The following PCDHGB1 variants were observed in gnomAD, a reference collection of about 807,000 sequenced individuals.
PCDHGB1 encodes protocadherin gamma subfamily B, 1.
In PCDHGB1, 34 loss-of-function variants were observed where a neutral mutation model predicts 56.6. The observed-to-expected ratio is 0.60, with a 90% confidence interval of 0.46 to 0.80. The LOEUF is 0.80. Among genes scored for constraint, PCDHGB1 ranks in the 30% least tolerant of loss-of-function variants. The pLI is 0.00. For synonymous variants in PCDHGB1, 561 were observed against 505.9 expected (o/e 1.11, Z -1.46); for missense variants, 1,278 against 1,204.6 (o/e 1.06, Z -0.90).
intron 1 of PCDHGB1, chr5:141,374,823 A>G (rs1770865404): frequency 1.2e-6 from 2 of 1,613,952 alleles, no homozygotes; most frequent in African/African-American, 1.3e-5. Context: ...CAGCCTGTCT[A>G]CCGTGTAAGT....
intron 1 of PCDHGB1, chr5:141,400,486 CT>C: frequency 1.2e-6 from 2 of 1,614,034 alleles, no homozygotes; most frequent in African/African-American, 1.3e-5. Context: ...CTTATTTCCA[CT>C]TTGTAATTCC....
At chr5:141,417,667 C>A (rs545100460) in intron 1 of PCDHGB1, 5 of 918,744 alleles carry the variant, frequency 5.4e-6, no homozygotes, top group South Asian at 3.8e-5. Flanking sequence ...GGATTCCCTG[C>A]GCAGCCAACA....
In PCDHGB1 at chr5:141,491,770, G is replaced by A; in HGVS notation, c.2410-3037G>A. 6.4e-7 allele frequency: 1 copy of A among 1,560,888 alleles called. No individual in the cohort carries two copies. Among genetic ancestry groups the A allele is most frequent in the Non-Finnish European group, 8.7e-7 (1 of 1,154,942 alleles). On this transcript the variant is annotated intron_variant, in intron 1 of 3. Coordinates refer to ENST00000523390, the MANE Select transcript of PCDHGB1 (RefSeq NM_018922.3). This position sits in a 1 kb window ranked among gnomAD's most constrained non-coding sequence, Gnocchi z 6.9. ...TGGAGAAGCCGCCCGTCCTCATAAG[G>A]GATTGAACTTGCATCCACTCCTCTC...
At chr5:141,375,992 G>C in intron 1 of PCDHGB1, 5 of 1,613,446 alleles carry the variant, frequency 3.1e-6, no homozygotes, top group Non-Finnish European at 4.2e-6. Context: ...GGACAGAGAC[G>C]CGCTCAAGCA....
At chr5:141,415,653 G>T in intron 1 of PCDHGB1, 1 of 1,539,362 alleles carries the variant, frequency 6.5e-7, no homozygotes, top group Non-Finnish European at 8.8e-7. Context: ...AAAAAAAAAA[G>T]ATTGGTTTTT....
intron 1 of PCDHGB1, among the ~76,000 whole-genome samples, chr5:141,438,788 A>G (rs1024095720): frequency 3.3e-5 from 5 of 149,742 alleles, no homozygotes; most frequent in Non-Finnish European, 7.4e-5. Flanking sequence ...CAGCCTCTCC[A>G]GTAGCTGGGA....
At chr5:141,387,304 T>C (rs1186076797) in intron 1 of PCDHGB1, among the ~76,000 whole-genome samples, 3 of 152,208 alleles carry the variant, frequency 2.0e-5, no homozygotes, top group Non-Finnish European at 4.4e-5. Context: ...ATCCAGTATA[T>C]TTCTAATGAG....
intron 1 of PCDHGB1, among the ~76,000 whole-genome samples, chr5:141,353,307 A>G (rs2149774252): frequency 6.6e-6 from 1 of 152,340 alleles, no homozygotes; most frequent in African/African-American, 2.4e-5. Context: ...TTATAAATGT[A>G]TTTAGAGTTC....
Position 141,403,122 on chromosome 5 carries a change from G to A in PCDHGB1, c.2409+50453G>A, listed in dbSNP as rs550510039. 4.3e-5 allele frequency: 69 copies of A among 1,613,932 alleles called. No individual in the cohort carries two copies. Among genetic ancestry groups the A allele is most frequent in the East Asian group, 8.9e-5 (4 of 44,898 alleles). ...TCCAAGGACCTGGCTCTGGAGCCCC[G>A]GGAGCTGGCGGAGCGCCGAGTCCGC... On this transcript the variant is annotated intron_variant, in intron 1 of 3. Transcript: ENST00000523390.
intron 1 of PCDHGB1, among the ~76,000 whole-genome samples, chr5:141,457,926 GGGCTTTTATT>G (rs1398565105): frequency 6.6e-6 from 1 of 151,120 alleles, no homozygotes; most frequent in Non-Finnish European, 1.5e-5. Context: ...TCTCCCCAAG[GGGCTTTTATT>G]GGCTCTGCAT....
At position 141,511,199 on chromosome 5, in the gene PCDHGB1, G is replaced by C. The variant is rs1303066281; in HGVS notation, c.*26G>C. On this transcript the variant is annotated 3_prime_UTR_variant, in exon 4 of 4. Coordinates refer to ENST00000523390, the MANE Select transcript of PCDHGB1 (RefSeq NM_018922.3). The stretch of plus-strand genomic sequence containing the variant: ...CATGGAGGCCAGGCCAAGAGCCACA[G>C]GGCGGCCTCTCCCCAACCAGCCCAG... 6.2e-6 allele frequency: 10 copies of C among 1,612,868 alleles called. No individual in the cohort carries two copies. In the East Asian group the frequency reaches 2.2e-4, roughly 36 times the overall value.
At chr5:141,355,870 G>T (rs376992240) in intron 1 of PCDHGB1, 72 of 1,612,760 alleles carry the variant, frequency 4.5e-5, no homozygotes, top group Non-Finnish European at 6.1e-5. Flanking sequence ...GGTTCGCTCT[G>T]GCACTGCCAG....
rs569362520 is a variant in PCDHGB1 at position 141,415,063 on chromosome 5, G to T, written c.2409+62394G>T. ...CGCGGTGGGGGAGCACACGGGCGAG[G>T]TGCGCACGGCGCGAGCCCTGCTGGA... On this transcript the variant is annotated intron_variant, in intron 1 of 3. Coordinates refer to ENST00000523390, the MANE Select transcript of PCDHGB1 (RefSeq NM_018922.3). The T allele has an allele frequency of 3.1e-6, 5 of 1,613,432 alleles. No individual in the cohort carries two copies. The highest frequency in any genetic ancestry group is 3.3e-5 in the Admixed American group (2 of 60,008).
chr5:141,371,226 A>C (rs772683388), intron 1 of PCDHGB1: 19 of 1,613,954 alleles, frequency 1.2e-5, no homozygotes, highest in Non-Finnish European at 1.6e-5. Flanking sequence ...TGCCGAAATC[A>C]TCTATGCCTT....
chr5:141,431,984 G>A lies in PCDHGB1; in HGVS notation c.2410-62823G>A, dbSNP rs758365921. 2 of 1,614,220 alleles carry A rather than the reference G, an allele frequency of 1.2e-6. No individual in the cohort carries two copies. The highest frequency in any genetic ancestry group is 2.2e-5 in the South Asian group (2 of 91,086). On this transcript the variant is annotated intron_variant, in intron 1 of 3. Transcript: ENST00000523390. The surrounding 1 kb of genome is among the most constrained non-coding windows in gnomAD (Gnocchi z 4.8). ...TTACTATAGTTTAGTCACAGACATAGTCTTGGATAGGGAACAGGTTCCTAG... is the reference window on the plus strand; with the variant it reads ...TTACTATAGTTTAGTCACAGACATAATCTTGGATAGGGAACAGGTTCCTAG...
rs1482297743 is a variant in PCDHGB1 at position 141,403,937 on chromosome 5, G to A, written c.2409+51268G>A. 8 of 1,613,778 alleles carry A rather than the reference G, an allele frequency of 5.0e-6. No individual in the cohort carries two copies. The highest frequency in any genetic ancestry group is 6.8e-6 in the Non-Finnish European group (8 of 1,179,896). On this transcript the variant is annotated intron_variant, in intron 1 of 3. Transcript: ENST00000523390. ...AGCTGAAGATGGTGGGGGATTGAAA[G>A]GGTGGACAAAAGTGCTCATTTCGGT...
At chr5:141,361,943 G>A (rs758202252) in intron 1 of PCDHGB1, 2 of 1,605,254 alleles carry the variant, frequency 1.2e-6, no homozygotes, top group South Asian at 2.2e-5. Flanking sequence ...CACAACGCTT[G>A]GCTGTCCTAC....
rs758181180 is a variant in PCDHGB1 at position 141,485,483 on chromosome 5, G to T, written c.2410-9324G>T. The T allele has an allele frequency of 1.9e-6, 3 of 1,614,106 alleles. No homozygotes were observed. The highest frequency in any genetic ancestry group is 2.5e-6 in the Non-Finnish European group (3 of 1,180,022). ...GTGTGGGCTCAGTGCCAGCTGCATC[G>T]TGCCCCTGGAGTTTGTCACCGAAGG... On this transcript the variant is annotated intron_variant, in intron 1 of 3. Coordinates refer to ENST00000523390, the MANE Select transcript of PCDHGB1 (RefSeq NM_018922.3). The surrounding 1 kb of genome is among the most constrained non-coding windows in gnomAD (Gnocchi z 5.7).
intron 1 of PCDHGB1, among the ~76,000 whole-genome samples, chr5:141,453,135 A>G (rs932061368): frequency 6.6e-6 from 1 of 151,778 alleles, no homozygotes; most frequent in Non-Finnish European, 1.5e-5. Context: ...TGTTTTTGAG[A>G]TAGGGTCTCG....
Sources: allele counts gnomAD v4.1 joint callset (sites outside exome capture counted in the v4.1 genomes callset), GRCh38; gene constraint gnomAD v4.1.1; non-coding constraint Gnocchi (gnomAD v3.1); transcripts MANE v1.5; gene names NCBI Gene and HGNC (gene_info 2026-07-23, HGNC 2026-07-21).